ACYP2: variants seen among roughly 807,000 people sequenced by gnomAD.
ACYP2 encodes acylphosphatase-2.
In ACYP2, 12 loss-of-function variants were observed where a neutral mutation model predicts 11.2. The observed-to-expected ratio is 1.08, with a 90% confidence interval of 0.69 to 1.74. ACYP2 has a LOEUF of 1.74. Among genes scored for constraint, ACYP2 ranks in the 40% most tolerant of loss-of-function variants. The pLI is 0.00. For missense variants in ACYP2, 134 were observed against 101.9 expected, an observed-to-expected ratio of 1.31 and a Z score of -1.35; for synonymous variants, 43 against 32.2, an observed-to-expected ratio of 1.33 and a Z score of -1.13.
intron 6 of ACYP2, among the ~76,000 whole-genome samples, chr2:54,170,404 C>G (rs910239260): frequency 6.6e-6 from 1 of 152,134 alleles, no homozygotes; most frequent in Non-Finnish European, 1.5e-5. Flanking sequence ...CTGCCTGCCT[C>G]CGCCTCCCAA....
At chr2:54,007,451 C>T (rs1673136326) in intron 2 of ACYP2, among the ~76,000 whole-genome samples, 1 of 152,092 alleles carries the variant, frequency 6.6e-6, no homozygotes, top group African/African-American at 2.4e-5. Context: ...GATGGAGTTT[C>T]ACCATGTTGG....
chr2:54,021,824 G>T (rs1046910626), intron 2 of ACYP2, among the ~76,000 whole-genome samples: 15 of 152,100 alleles, frequency 9.9e-5, no homozygotes, highest in African/African-American at 3.4e-4. Flanking sequence ...GGGTTGTACT[G>T]GTGTTAAACA....
intron 4 of ACYP2, among the ~76,000 whole-genome samples, chr2:54,100,745 C>A (rs1678848525): frequency 6.6e-6 from 1 of 152,146 alleles, no homozygotes; most frequent in African/African-American, 2.4e-5. Flanking sequence ...CATGCCTCAG[C>A]CGATTCACAG....
chr2:54,247,326 T>A (rs564971789), intron 6 of ACYP2, among the ~76,000 whole-genome samples: 1 of 152,274 alleles, frequency 6.6e-6, no homozygotes, highest in East Asian at 1.9e-4. Flanking sequence ...ACATAATCCC[T>A]TCCCCACCCA....
intron 6 of ACYP2, among the ~76,000 whole-genome samples, chr2:54,275,561 A>T (rs1688519296): frequency 6.6e-6 from 1 of 152,188 alleles, no homozygotes; most frequent in Admixed American, 6.5e-5. Context: ...TAATTTAGGA[A>T]TGGGGAAATC....
intron 2 of ACYP2, among the ~76,000 whole-genome samples, chr2:53,998,724 G>C (rs1277221790): frequency 6.6e-6 from 1 of 152,158 alleles, no homozygotes; most frequent in Non-Finnish European, 1.5e-5. Context: ...GCTGAGGATG[G>C]AGGATGGCTT....
intron 4 of ACYP2, among the ~76,000 whole-genome samples, chr2:54,076,076 G>T (rs1033839420): frequency 1.3e-5 from 2 of 152,130 alleles, no homozygotes; most frequent in Non-Finnish European, 2.9e-5. Context: ...TCTGGAAAAT[G>T]ATGCATTTGT....
chr2:54,126,189 G>T (rs867804853), intron 4 of ACYP2, among the ~76,000 whole-genome samples: 18 of 152,176 alleles, frequency 1.2e-4, no homozygotes, highest in African/African-American at 4.1e-4. Flanking sequence ...TAATAATAAC[G>T]TATGTATTTT....
chr2:54,095,028 C>A, intron 4 of ACYP2, among the ~76,000 whole-genome samples: 1 of 134,918 alleles, frequency 7.4e-6, no homozygotes, highest in East Asian at 2.8e-4. Context: ...GCAGAGGACC[C>A]TGCGGCCTTC....
chr2:54,144,807 TA>T (rs1380257264), intron 6 of ACYP2, among the ~76,000 whole-genome samples: 3 of 152,200 alleles, frequency 2.0e-5, no homozygotes, highest in Non-Finnish European at 4.4e-5. Context: ...TTAATTGGTA[TA>T]TTTTTAAAAA....
chr2:53,979,812 G>C (rs1273898816), intron 2 of ACYP2, among the ~76,000 whole-genome samples: 1 of 151,628 alleles, frequency 6.6e-6, no homozygotes, highest in African/African-American at 2.4e-5. Flanking sequence ...TCCCACCTCA[G>C]CCTCCCTAGT....
intron 4 of ACYP2, among the ~76,000 whole-genome samples, chr2:54,072,495 C>T (rs904014164): frequency 2.5e-4 from 22 of 87,534 alleles, no homozygotes; most frequent in Middle Eastern, 5.6e-3. Context: ...TTTTTTCTTT[C>T]TTTCTCTCTC....
chr2:54,208,158 C>CAT (rs1685159944), intron 6 of ACYP2, among the ~76,000 whole-genome samples: 1 of 151,764 alleles, frequency 6.6e-6, no homozygotes, highest in Non-Finnish European at 1.5e-5. Flanking sequence ...GTATGTGTGT[C>CAT]ACCAAGTTTT....
chr2:54,010,737 C>CTTTTTTTTTTTTTTTTTTTTTT (rs539896151), intron 2 of ACYP2, among the ~76,000 whole-genome samples: 2 of 107,664 alleles, frequency 1.9e-5, no homozygotes, highest in Non-Finnish European at 3.6e-5. Flanking sequence ...TTCTTTCTTT[C>CTTTTTTTTTTTTTTTTTTTTTT]TTTTTTTTTT....
At chr2:54,096,386 C>A (rs1328879870) in intron 4 of ACYP2, among the ~76,000 whole-genome samples, 1 of 149,092 alleles carries the variant, frequency 6.7e-6, no homozygotes, top group Non-Finnish European at 1.5e-5. Flanking sequence ...ACGTCCCAGA[C>A]GATGGATGGC....
chr2:54,035,520 C>T (rs1378982216), intron 2 of ACYP2, among the ~76,000 whole-genome samples: 2 of 152,126 alleles, frequency 1.3e-5, no homozygotes, highest in East Asian at 1.9e-4. Context: ...CCGCCTCGGC[C>T]TCCCAAAGTG....
chr2:54,020,243 A>T (rs896870189), intron 2 of ACYP2, among the ~76,000 whole-genome samples: 2 of 152,178 alleles, frequency 1.3e-5, no homozygotes, highest in Non-Finnish European at 2.9e-5. Flanking sequence ...GGCCTTAATG[A>T]TGCTTCTTAA....
At chr2:54,241,364 C>T (rs527265308) in intron 6 of ACYP2, among the ~76,000 whole-genome samples, 10 of 152,118 alleles carry the variant, frequency 6.6e-5, no homozygotes, top group African/African-American at 1.7e-4. Flanking sequence ...GATATTGAAC[C>T]GAAAAATGAA....
intron 6 of ACYP2, among the ~76,000 whole-genome samples, chr2:54,283,841 G>A (rs1688953492): frequency 6.6e-6 from 1 of 152,232 alleles, no homozygotes; most frequent in Non-Finnish European, 1.5e-5. Flanking sequence ...TTGGCCTGGT[G>A]CACTGGCTCA....
Sources: gnomAD v4.1 joint callset for allele counts (sites outside exome capture counted in the v4.1 genomes callset) on GRCh38, gnomAD v4.1.1 for gene constraint, MANE v1.5 for transcripts, NCBI Gene and HGNC (gene_info 2026-07-23, HGNC 2026-07-21) for gene names.